The following ABCB4 variants were observed in gnomAD, a reference collection of about 807,000 sequenced individuals.
ABCB4 encodes ATP binding cassette subfamily B member 4, also known as phosphatidylcholine translocator ABCB4.
Under a neutral mutation model 145.7 loss-of-function variants are expected in ABCB4, and 76 were observed. The observed-to-expected ratio is 0.52, with a 90% CI of 0.43 to 0.63. The LOEUF is 0.63. Ranked by LOEUF, ABCB4 falls within the 30% of genes least tolerant of loss-of-function variation. The pLI is 0.00. For synonymous variants in ABCB4, 517 were observed against 566.8 expected (o/e 0.91, Z 1.25); for missense variants, 1,234 against 1,553.1 (o/e 0.79, Z 3.45).
chr7:87,401,362 A>G (rs1454420727), downstream of ABCB4, among the ~76,000 whole-genome samples: 1 of 152,222 alleles, frequency 6.6e-6, no homozygotes, highest in Non-Finnish European at 1.5e-5. Context: ...CCATCTAAAC[A>G]TACCTTTCAT....
At chr7:87,416,804 G>A (rs1422177275) in intron 21 of ABCB4, among the ~76,000 whole-genome samples, 1 of 152,200 alleles carries the variant, frequency 6.6e-6, no homozygotes, top group African/African-American at 2.4e-5. Context: ...ACAATAACTG[G>A]CACGTAGTAA....
chr7:87,392,651 A>C, the ABCB4 span: 4 of 1,612,432 alleles, frequency 2.5e-6, no homozygotes, highest in East Asian at 8.9e-5. Flanking sequence ...AAAGGTACTT[A>C]AGTTAAAATT....
At chr7:87,472,925 G>C (rs1404792222) in intron 2 of ABCB4, among the ~76,000 whole-genome samples, 3 of 152,106 alleles carry the variant, frequency 2.0e-5, no homozygotes, top group Non-Finnish European at 2.9e-5. Context: ...ACACAGGAAA[G>C]ATAAGTATGC....
chr7:87,465,420 A>G (rs1812800256), intron 3 of ABCB4, among the ~76,000 whole-genome samples: 2 of 152,196 alleles, frequency 1.3e-5, no homozygotes, highest in South Asian at 4.1e-4. Flanking sequence ...AACTGGGTGG[A>G]GCCCACCACA....
chr7:87,412,419 T>G (rs1047073122), intron 22 of ABCB4, among the ~76,000 whole-genome samples: 10 of 152,186 alleles, frequency 6.6e-5, no homozygotes, highest in African/African-American at 2.4e-4. Flanking sequence ...TTTACTACTA[T>G]TATGTTGTTT....
At chr7:87,388,449 C>A in the ABCB4 span, among the ~76,000 whole-genome samples, 2 of 152,100 alleles carry the variant, frequency 1.3e-5, no homozygotes, top group Non-Finnish European at 2.9e-5. Flanking sequence ...TGGAACAGAA[C>A]AGAGGCCTTA....
chr7:87,434,566 G>A (rs1342418814), intron 14 of ABCB4, among the ~76,000 whole-genome samples: 1 of 152,002 alleles, frequency 6.6e-6, no homozygotes, highest in African/African-American at 2.4e-5. Context: ...TGGCCAACAT[G>A]GGGAAACCCC....
chr7:87,453,162 A>G, intron 5 of ABCB4, 27 bp from the exon 6 acceptor site: 3 of 1,599,424 alleles, frequency 1.9e-6, no homozygotes, highest in Non-Finnish European at 2.6e-6. Context: ...AGGCTCTATT[A>G]AATACCTTCT....
Position 87,401,709 on chromosome 7 carries a change from C to A in ABCB4, c.*387G>T, listed in dbSNP as rs915069287. On this transcript the variant is annotated 3_prime_UTR_variant, in exon 28 of 28. Coordinates refer to ENST00000649586, the MANE Select transcript of ABCB4 (RefSeq NM_000443.4). ...TACCAAGAGAGATGAGGCTATTGAA[C>A]AATTTATTTTTCTTTTGTACTTGGG... is the stretch of plus-strand genomic sequence containing the variant. 8 of 302,098 alleles carry A rather than the reference C, an allele frequency of 2.6e-5. No individual in the cohort carries two copies. The highest frequency in any genetic ancestry group is 5.2e-5 in the Non-Finnish European group (8 of 154,352). The allele number at this position is 302,098 out of a possible 1,614,324, so 18.7% of individuals were successfully genotyped here.
chr7:87,408,239 ATAAATGTT>A lies in ABCB4; in HGVS notation c.3082-13_3082-6del. Reference sequence around the variant, plus strand: ...TATATTTCCTTCAAATTTATCCTGAATAAATGTTTAAATGTTGCTATTATAATTGGCCT... The same window carrying A: ...TATATTTCCTTCAAATTTATCCTGAATAAATGTTGCTATTATAATTGGCCT... On this transcript the variant is annotated splice_region_variant and splice_polypyrimidine_tract_variant and intron_variant, in intron 24 of 27. Transcript: ENST00000649586. 1 of 1,612,694 alleles carries A rather than the reference ATAAATGTT, an allele frequency of 6.2e-7. No homozygotes were observed. The highest frequency in any genetic ancestry group is 8.5e-7 in the Non-Finnish European group (1 of 1,178,810).
At chr7:87,392,468 C>G in the ABCB4 span, 3 of 891,114 alleles carry the variant, frequency 3.4e-6, no homozygotes, top group Non-Finnish European at 5.4e-6. Context: ...CTTTCCTCTC[C>G]CAAATTACCC....
Position 87,408,108 on chromosome 7 carries a change from T to A in ABCB4, c.3208A>T (p.Ser1070Cys). 1 of 1,614,262 alleles carries A rather than the reference T, an allele frequency of 6.2e-7. No homozygotes were observed. Among genetic ancestry groups the A allele is most frequent in the Non-Finnish European group, 8.5e-7 (1 of 1,180,036 alleles). ...ACCGTGCTCTTCCCACAGCCACTGC[T>A]GCCCACCAGGGCTAGTGTCTGGCCT... ...KKGQTLALVG[S>C]SGCGKSTVVQ... Residue 1070 changes from serine to cysteine, a missense_variant, in exon 25 of 28, where the codon AGC (serine) becomes TGC (cysteine). Coordinates refer to ENST00000649586, the MANE Select transcript of ABCB4 (RefSeq NM_000443.4).
chr7:87,417,132 A>G (rs1809029868), intron 21 of ABCB4, among the ~76,000 whole-genome samples, 180 bp downstream of exon 21: 1 of 152,228 alleles, frequency 6.6e-6, no homozygotes, highest in South Asian at 2.1e-4. Flanking sequence ...TATGTTAATC[A>G]CCTTATATTT....
At chr7:87,393,897 A>G in the ABCB4 span, among the ~76,000 whole-genome samples, 1 of 152,208 alleles carries the variant, frequency 6.6e-6, no homozygotes, top group African/African-American at 2.4e-5. Context: ...TTGGAGATTG[A>G]GACAATTTGA....
Position 87,403,203 on chromosome 7 carries a change from G to A in ABCB4, c.3565C>T (p.Leu1189Phe). The A allele has an allele frequency of 6.2e-7, 1 of 1,614,038 alleles. No homozygotes were observed. Among genetic ancestry groups the A allele is most frequent in the South Asian group, 1.1e-5 (1 of 91,076 alleles). The change falls in exon 27 of 28, where the codon CTC becomes TTC. Residue 1189 changes from leucine to phenylalanine, a missense_variant. Physicochemically the swap from Leu to Phe is conservative, Grantham distance 22 (BLOSUM62 0). Coordinates refer to ENST00000649586, the MANE Select transcript of ABCB4 (RefSeq NM_000443.4). ...QKQRIAIARALIRQPQILLLD... is the reference protein window; with the variant it reads ...QKQRIAIARAFIRQPQILLLD... ...AGGAGGATTTGAGGTTGTCTGATGA[G>A]GGCTCGGGCAATAGCAATCCTCTGT...
rs1202624387 is a variant in ABCB4, at chr7:87,416,007, C to A, written c.2682+1305G>T. ...ACTCAGAAGTCAAGGAAATGATGCC[C>A]TAAAGTACCCACAGCCAGCAGCCAA... On this transcript the variant is annotated intron_variant, in intron 21 of 27. Coordinates refer to ENST00000649586, the MANE Select transcript of ABCB4 (RefSeq NM_000443.4). 2.6e-5 allele frequency among the ~76,000 whole-genome samples: 4 copies of A among 152,154 alleles called. No individual in the cohort carries two copies. The East Asian group carries it at 7.7e-4, about 29-fold the overall frequency.
At chr7:87,466,211 G>A (rs1014251752) in intron 3 of ABCB4, among the ~76,000 whole-genome samples, 2 of 152,326 alleles carry the variant, frequency 1.3e-5, no homozygotes, top group East Asian at 3.9e-4. Context: ...TAAAGGACCT[G>A]ATGGAGCTGA....
At chr7:87,425,948 A>G (rs1009024693) in intron 16 of ABCB4, among the ~76,000 whole-genome samples, 2 of 152,134 alleles carry the variant, frequency 1.3e-5, no homozygotes, top group Non-Finnish European at 2.9e-5. Flanking sequence ...CCTAAATCCA[A>G]CGTTGCTATT....
chr7:87,459,012 C>T (rs369400178), intron 4 of ABCB4, among the ~76,000 whole-genome samples: 26 of 149,674 alleles, frequency 1.7e-4, no homozygotes, highest in Middle Eastern at 3.5e-3. Flanking sequence ...AAGCAAACTG[C>T]TCCAAATAAG....
Sources: gnomAD v4.1 joint callset for allele counts (sites outside exome capture counted in the v4.1 genomes callset) on GRCh38, gnomAD v4.1.1 for gene constraint, MANE v1.5 for transcripts, NCBI Gene and HGNC (gene_info 2026-07-23, HGNC 2026-07-21) for gene names.